FANCG: variants seen among roughly 807,000 people sequenced by gnomAD.
FANCG encodes the protein Fanconi anemia group G protein.
Under a neutral mutation model 73.3 loss-of-function variants are expected in FANCG, and 67 were observed. The ratio of observed to expected loss-of-function variants is 0.91; its 90% CI spans 0.75 to 1.12. The LOEUF (loss-of-function observed/expected upper bound fraction) is 1.12. Among genes scored for constraint, FANCG ranks in the 50% most tolerant of loss-of-function variants. The pLI, the probability that FANCG is intolerant of heterozygous loss-of-function variation, is 0.00. For missense variants in FANCG, 643 were observed against 735.6 expected, an observed-to-expected ratio of 0.87 and a Z score of 1.46; for synonymous variants, 297 against 311.6, an observed-to-expected ratio of 0.95 and a Z score of 0.49.
rs1563986100 is a variant in FANCG at position 35,076,036 on chromosome 9, G to A, written c.1077-8C>T. 6.2e-7 allele frequency: 1 copy of A among 1,613,874 alleles called. No homozygotes were observed. Among genetic ancestry groups the A allele is most frequent in the Non-Finnish European group, 8.5e-7 (1 of 1,179,932 alleles). On this transcript the variant is annotated splice_region_variant and splice_polypyrimidine_tract_variant and intron_variant, in intron 8 of 13. Coordinates refer to ENST00000378643, the MANE Select transcript of FANCG (RefSeq NM_004629.2). ...TCTGCAGCGTCTCCTGCCCTGAGGAGTAAAAGCCCATAAGCCTCACCCTAG... is the reference window on the plus strand; with the variant it reads ...TCTGCAGCGTCTCCTGCCCTGAGGAATAAAAGCCCATAAGCCTCACCCTAG...
intron 4 of FANCG, 79 bp from the exon 5 acceptor site, chr9:35,077,478 C>G (rs1038704643): frequency 1.5e-5 from 24 of 1,588,876 alleles, no homozygotes; most frequent in Non-Finnish European, 2.0e-5. Context: ...CCTGGCTAGA[C>G]CTTGAGCTCA....
intron 2 of FANCG, 72 bp downstream of exon 2, chr9:35,079,078 CA>C: frequency 2.2e-6 from 3 of 1,339,514 alleles, no homozygotes; most frequent in Non-Finnish European, 2.1e-6. Context: ...ATATCGATCC[CA>C]AAAACGCAGG....
rs1244126283 is a variant in FANCG at position 35,079,550 on chromosome 9, C to A, written c.-26G>T. ...GGTGGCCGAGGCTGGGCCCGGAGACCAGAAGCGGACTTAGGAAGGGTGAAG... is the reference window on the plus strand; with the variant it reads ...GGTGGCCGAGGCTGGGCCCGGAGACAAGAAGCGGACTTAGGAAGGGTGAAG... On this transcript the variant is annotated 5_prime_UTR_variant, in exon 1 of 14. Coordinates refer to ENST00000378643, the MANE Select transcript of FANCG (RefSeq NM_004629.2). The A allele has an allele frequency of 6.2e-7, 1 of 1,612,632 alleles. No individual in the cohort carries two copies. The highest frequency in any genetic ancestry group is 8.5e-7 in the Non-Finnish European group (1 of 1,179,110).
rs199754122 is a variant in FANCG, at chr9:35,078,276, G to C, written c.375C>G (p.Val125=). The C allele has an allele frequency of 6.2e-5, 100 of 1,614,060 alleles. No homozygotes were observed. In the East Asian group the frequency reaches 1.6e-3, roughly 25 times the overall value. Residue 125 remains valine, a synonymous_variant, in exon 4 of 14, where the codon GTC becomes GTG. Coordinates refer to ENST00000378643, the MANE Select transcript of FANCG (RefSeq NM_004629.2). The part of the protein sequence containing the change: ...EQGLRELWDS[V]LRASCLLPEL... Reference sequence around the variant, plus strand: ...CCGGCAGAAGGCAGGAAGCACGAAGGACAGAGTCCCACAGCTCCCTGAGCC... The same window carrying C: ...CCGGCAGAAGGCAGGAAGCACGAAGCACAGAGTCCCACAGCTCCCTGAGCC...
In FANCG at chr9:35,078,686, T is replaced by C; in HGVS notation, c.226A>G (p.Asn76Asp). The change falls in exon 3 of 14, where the codon AAC becomes GAC. Residue 76 changes from asparagine (N) to aspartate (D), a missense_variant. Physicochemically the swap from Asn to Asp is conservative, Grantham distance 23. Coordinates refer to ENST00000378643, the MANE Select transcript of FANCG (RefSeq NM_004629.2). ...AAGCTTGCCCTCAGGATAATGAAGTTGCAGGTGACAGTCAGCTCCAAGGGA... is the reference window on the plus strand; with the variant it reads ...AAGCTTGCCCTCAGGATAATGAAGTCGCAGGTGACAGTCAGCTCCAAGGGA... ...VLPLELTVTCNFIILRASLAQ... is the reference protein window; with the variant it reads ...VLPLELTVTCDFIILRASLAQ... 1 of 1,614,136 alleles carries C rather than the reference T, an allele frequency of 6.2e-7. No individual in the cohort carries two copies. The highest frequency in any genetic ancestry group is 8.5e-7 in the Non-Finnish European group (1 of 1,180,024).
chr9:35,075,440 A>G (rs1403870265), intron 10 of FANCG, 25 bp downstream of exon 10: 1 of 1,613,024 alleles, frequency 6.2e-7, no homozygotes, highest in Admixed American at 1.7e-5. Flanking sequence ...ATCCCTCCAC[A>G]CCCCCTCTAG....
At chr9:35,076,350 C>A in intron 8 of FANCG, 82 bp downstream of exon 8, 1 of 1,551,648 alleles carries the variant, frequency 6.4e-7, no homozygotes, top group South Asian at 1.1e-5. Context: ...TCCCCCAAGT[C>A]ACAAGAACAA....
At chr9:35,075,878 A>T in intron 9 of FANCG, 84 bp downstream of exon 9, 1 of 1,571,720 alleles carries the variant, frequency 6.4e-7, no homozygotes, top group Non-Finnish European at 8.8e-7. Flanking sequence ...TAGAGGAAAA[A>T]ACAAAAAATT....
rs1377624613 is a variant in FANCG at position 35,078,129 on chromosome 9, T to C, written c.510+12A>G. Reference sequence around the variant, plus strand: ...GAGGAGACCCTCAGCTTCAGGTCACTTTCCCTATTACCTGGCTGCCATTCA... The same window carrying C: ...GAGGAGACCCTCAGCTTCAGGTCACCTTCCCTATTACCTGGCTGCCATTCA... On this transcript the variant is annotated intron_variant, in intron 4 of 13. Coordinates refer to ENST00000378643, the MANE Select transcript of FANCG (RefSeq NM_004629.2). 6.2e-7 allele frequency: 1 copy of C among 1,613,280 alleles called. No individual in the cohort carries two copies. The highest frequency in any genetic ancestry group is 8.5e-7 in the Non-Finnish European group (1 of 1,179,340).
At chr9:35,078,552 T>C in intron 3 of FANCG, 53 bp downstream of exon 3, 1 of 1,613,748 alleles carries the variant, frequency 6.2e-7, no homozygotes. Flanking sequence ...CTGCAATAAC[T>C]TAAACCCAGA....
In FANCG at chr9:35,075,444, CCT is replaced by C. The variant is rs1563985725; in HGVS notation, c.1433+19_1433+20del. On this transcript the variant is annotated intron_variant, in intron 10 of 13. Transcript: ENST00000378643. ...ATCAGAAAATCATCCCTCCACACCC[CCT>C]CTAGGACCCCGGGCTCACCTGCTAA... The C allele has an allele frequency of 6.2e-7, 1 of 1,614,064 alleles. No homozygotes were observed. The highest frequency in any genetic ancestry group is 8.5e-7 in the Non-Finnish European group (1 of 1,180,014).
chr9:35,076,623 G>C (rs892370233), intron 7 of FANCG, 40 bp from the exon 8 acceptor site: 1 of 1,614,070 alleles, frequency 6.2e-7, no homozygotes, highest in Non-Finnish European at 8.5e-7. Flanking sequence ...TAATCTTTGG[G>C]AGCCATACTT....
At position 35,076,526 on chromosome 9, in the gene FANCG, G is replaced by A. The variant is rs1829086717; in HGVS notation, c.982C>T (p.Leu328=). The A allele has an allele frequency of 6.2e-7, 1 of 1,614,202 alleles. No homozygotes were observed. Among genetic ancestry groups the A allele is most frequent in the Non-Finnish European group, 8.5e-7 (1 of 1,180,040 alleles). Residue 328 remains leucine, a synonymous_variant, in exon 8 of 14, where the codon CTA becomes TTA. Transcript: ENST00000378643. ...GAGGCTAGGTCAGGTGGTGGCAGTA[G>A]TAATTCTACCTCAATGAGAAACTGC... The part of the protein sequence containing the change: ...APQFLIEVEL[L]LPPPDLASPL...
At chr9:35,078,440 C>T in intron 3 of FANCG, 97 bp from the exon 4 acceptor site, 2 of 1,514,332 alleles carry the variant, frequency 1.3e-6, no homozygotes, top group South Asian at 2.3e-5. Flanking sequence ...TCCTGCAGGA[C>T]CCCAAAGGTC....
Position 35,075,743 on chromosome 9 carries a change from G to A in FANCG, c.1155C>T (p.Pro385=), listed in dbSNP as rs1217203217. Residue 385 remains proline, a synonymous_variant, in exon 10 of 14, where the codon CCC becomes CCT. Transcript: ENST00000378643. ...GCATACAGGGCCCTGGAGGGGAGGG[G>A]GGTGGGGAGAACTGGAGTGGGAAGA... The part of the protein sequence containing the change: ...LDSSEPRFSP[P]PSPPGPCMPE... 2.4e-5 allele frequency: 14 copies of A among 572,316 alleles called. No homozygotes were observed. The highest frequency in any genetic ancestry group is 1.9e-4 in the East Asian group (4 of 20,882). The allele number at this position is 572,316 out of a possible 1,614,324, so 35.5% of individuals were successfully genotyped here.
At position 35,077,097 on chromosome 9, in the gene FANCG, G is replaced by A; in HGVS notation, c.651C>T (p.Leu217=). 1 of 1,614,206 alleles carries A rather than the reference G, an allele frequency of 6.2e-7. No homozygotes were observed. Among genetic ancestry groups the A allele is most frequent in the Non-Finnish European group, 8.5e-7 (1 of 1,180,034 alleles). ...LLTAFAYRQG[L]QELITGNPDK... is the part of the protein sequence containing the mutation. ...CTGGGTTCCCTGTGATCAGCTCCTG[G>A]AGACCTGAGGACAGTCAGGGTGTGA... Residue 217 remains leucine (L), a synonymous_variant, in exon 6 of 14, where the codon CTC becomes CTT. Coordinates refer to ENST00000378643, the MANE Select transcript of FANCG (RefSeq NM_004629.2).
Position 35,075,986 on chromosome 9 carries a change from C to G in FANCG, c.1119G>C (p.Leu373=). The G allele has an allele frequency of 6.2e-7, 1 of 1,614,164 alleles. No homozygotes were observed. The change falls in exon 9 of 14, where the codon CTG becomes CTC. Residue 373 remains leucine (L), a synonymous_variant. Coordinates refer to ENST00000378643, the MANE Select transcript of FANCG (RefSeq NM_004629.2). ...CCCTTGGCTCCGAGCTATCCAGCAA[C>G]AGGGCCAGCAGGTCCAAGTAATGCT... The part of the protein sequence containing the change: ...AAEHYLDLLA[L]LLDSSEPRFS...
At chr9:35,074,646 C>T (rs1829047922) in intron 12 of FANCG, 152 bp from the exon 13 acceptor site, 2 of 1,064,946 alleles carry the variant, frequency 1.9e-6, no homozygotes, top group Admixed American at 4.0e-5. Flanking sequence ...CCATTCCCAT[C>T]CCAGTGTCCA....
In FANCG at chr9:35,075,288, T is replaced by C. The variant is rs1420028254; in HGVS notation, c.1471A>G (p.Lys491Glu). ...TGAAAGTTTAGATCACCTTGTTCTTTTTCCTCAGGTGTGGCCCGGAAGAGC... is the reference window on the plus strand; with the variant it reads ...TGAAAGTTTAGATCACCTTGTTCTTCTTCCTCAGGTGTGGCCCGGAAGAGC... ...ELLFRATPEE[K>E]EQGAAFNCEQ... Residue 491 changes from lysine (K) to glutamate (E), a missense_variant, in exon 11 of 14, where the codon AAA becomes GAA. Physicochemically the swap from Lys to Glu is moderately conservative, Grantham distance 56. Coordinates refer to ENST00000378643, the MANE Select transcript of FANCG (RefSeq NM_004629.2). 5 of 1,614,162 alleles carry C rather than the reference T, an allele frequency of 3.1e-6. No individual in the cohort carries two copies. In the South Asian group the frequency reaches 5.5e-5, roughly 18 times the overall value.
Sources: allele counts gnomAD v4.1 joint callset, GRCh38; gene constraint gnomAD v4.1.1; transcripts MANE v1.5; gene names NCBI Gene and HGNC (gene_info 2026-07-23, HGNC 2026-07-21).